KANSL1L: variants seen among roughly 807,000 people sequenced by gnomAD.
KANSL1L encodes the protein KAT8 regulatory NSL complex subunit 1-like protein.
In KANSL1L, 25 loss-of-function variants were observed where a neutral mutation model predicts 108.6. That is an observed-to-expected ratio of 0.23 (90% CI 0.17 to 0.32). The LOEUF is 0.32. Ranked by LOEUF, KANSL1L falls within the 10% of genes least tolerant of loss-of-function variation. The probability of loss-of-function intolerance (pLI) is 1.00; values close to 1 mark genes in which losing one functional copy is unlikely to be tolerated. For missense variants in KANSL1L, 1,137 were observed against 1,125.7 expected (o/e 1.01, Z -0.14); for synonymous variants, 405 against 395.1 (o/e 1.03, Z -0.30).
chr2:210,065,214 C>G (rs1232538332), intron 6 of KANSL1L, among the ~76,000 whole-genome samples: 1 of 144,982 alleles, frequency 6.9e-6, no homozygotes, highest in South Asian at 2.2e-4. Flanking sequence ...ATCACTTGAC[C>G]TCGGAGGCGG....
intron 1 of KANSL1L, among the ~76,000 whole-genome samples, chr2:210,155,472 TA>T (rs1465105425): frequency 6.6e-6 from 1 of 152,114 alleles, no homozygotes; most frequent in East Asian, 1.9e-4. Context: ...TCACAGCTGT[TA>T]AAAATATGTG....
In KANSL1L at chr2:210,134,549, A is replaced by T. The variant is rs572729101; in HGVS notation, c.1089-5377T>A. 7.9e-5 allele frequency among the ~76,000 whole-genome samples: 12 copies of T among 152,224 alleles called. No individual in the cohort carries two copies. In the East Asian group the frequency reaches 2.1e-3, roughly 27 times the overall value. ...GTGATGAATTCTGTTCTGACAGGTT[A>T]TTATATTACTTGCTGTTCAACTTCA... On this transcript the variant is annotated intron_variant, in intron 2 of 14. Transcript: ENST00000281772.
chr2:210,057,373 A>G (rs566803553), intron 6 of KANSL1L, among the ~76,000 whole-genome samples: 121 of 152,264 alleles, frequency 7.9e-4, no homozygotes, highest in South Asian at 6.8e-3. Context: ...ACTGCACTCC[A>G]GCCTGGGAGA....
chr2:210,060,023 G>T (rs548026655), intron 6 of KANSL1L, among the ~76,000 whole-genome samples: 2 of 152,134 alleles, frequency 1.3e-5, no homozygotes, highest in African/African-American at 4.8e-5. Flanking sequence ...GATTACAGGC[G>T]TGAGCTATCA....
chr2:210,112,753 A>G (rs1052080746), intron 3 of KANSL1L, among the ~76,000 whole-genome samples: 9 of 152,180 alleles, frequency 5.9e-5, no homozygotes, highest in Admixed American at 5.9e-4. Context: ...TATCGTTTCT[A>G]TGTGTTGGAA....
intron 6 of KANSL1L, among the ~76,000 whole-genome samples, chr2:210,048,379 G>A (rs909751217): frequency 1.3e-5 from 2 of 151,602 alleles, no homozygotes; most frequent in African/African-American, 4.8e-5. Flanking sequence ...GCTGTCTTTT[G>A]TGTAATTTTA....
At chr2:210,112,711 G>C (rs1484282926) in intron 3 of KANSL1L, among the ~76,000 whole-genome samples, 2 of 152,148 alleles carry the variant, frequency 1.3e-5, no homozygotes, top group East Asian at 3.9e-4. Context: ...GATCAGATCA[G>C]GGTAATTAGC....
In KANSL1L at chr2:210,142,749, T is replaced by C. The variant is rs1351758534; in HGVS notation, c.1088+10746A>G. 3.9e-5 allele frequency among the ~76,000 whole-genome samples: 6 copies of C among 152,240 alleles called. No homozygotes were observed. The East Asian group carries it at 1.2e-3, about 29-fold the overall frequency. On this transcript the variant is annotated intron_variant, in intron 2 of 14. Coordinates refer to ENST00000281772, the MANE Select transcript of KANSL1L (RefSeq NM_152519.4). ...ATTGGCTTTTCTTGATTTCCACATA[T>C]TTGTGAATTTTCCAAAATTCCTCCT...
intron 6 of KANSL1L, among the ~76,000 whole-genome samples, chr2:210,075,276 A>G (rs1276147614): frequency 6.6e-6 from 1 of 151,998 alleles, no homozygotes; most frequent in Non-Finnish European, 1.5e-5. Context: ...TTGACATTTC[A>G]TTTTCTCTCA....
At chr2:210,050,587 G>T (rs2094280174) in intron 6 of KANSL1L, among the ~76,000 whole-genome samples, 12 of 151,180 alleles carry the variant, frequency 7.9e-5, no homozygotes, top group Admixed American at 5.3e-4. Context: ...CAGGTGCGTG[G>T]TTCACACCTA....
chr2:210,083,542 C>A (rs576230524), intron 5 of KANSL1L, among the ~76,000 whole-genome samples: 2 of 152,178 alleles, frequency 1.3e-5, no homozygotes, highest in East Asian at 3.9e-4. Context: ...CTGGGAGATA[C>A]GAATGCATCA....
chr2:210,038,301 A>T lies in KANSL1L; in HGVS notation c.2029+2119T>A, dbSNP rs529566537. 1.2e-4 allele frequency among the ~76,000 whole-genome samples: 19 copies of T among 152,128 alleles called. No individual in the cohort carries two copies. The East Asian group carries it at 3.1e-3, about 25-fold the overall frequency. ...AAACATTTATTGGGAATAGGTACAA[A>T]ATAAACAAGGGAGTTTTTAAGCCAC... On this transcript the variant is annotated intron_variant, in intron 8 of 14. Transcript: ENST00000281772.
At position 210,099,163 on chromosome 2, in the gene KANSL1L, G is replaced by A. The variant is rs561277567; in HGVS notation, c.1429-956C>T. On this transcript the variant is annotated intron_variant, in intron 4 of 14. Coordinates refer to ENST00000281772, the MANE Select transcript of KANSL1L (RefSeq NM_152519.4). ...GAGTTTTCTGAGTATATGTAAGCAT[G>A]AGTGTACATTCAACATGAACACATA... Among the ~76,000 whole-genome samples, 8 of 152,180 alleles carry A rather than the reference G, an allele frequency of 5.3e-5. No individual in the cohort carries two copies. The South Asian group carries it at 1.7e-3, about 32-fold the overall frequency.
intron 6 of KANSL1L, among the ~76,000 whole-genome samples, chr2:210,068,004 A>G (rs916519437): frequency 6.6e-6 from 1 of 151,924 alleles, no homozygotes; most frequent in African/African-American, 2.4e-5. Context: ...CAGCCTCCCA[A>G]GTAGCTGGGA....
rs1326882072 is a variant in KANSL1L at position 210,148,223 on chromosome 2, T to C, written c.1088+5272A>G. 2.0e-5 allele frequency among the ~76,000 whole-genome samples: 3 copies of C among 152,198 alleles called. No individual in the cohort carries two copies. The East Asian group carries it at 5.8e-4, about 29-fold the overall frequency. Reference sequence around the variant, plus strand: ...CCTGGAATAAGACAAGCAGCATTATTTCTTCCTTTTCCACAACCCTTGGAG... The same window carrying C: ...CCTGGAATAAGACAAGCAGCATTATCTCTTCCTTTTCCACAACCCTTGGAG... On this transcript the variant is annotated intron_variant, in intron 2 of 14. Coordinates refer to ENST00000281772, the MANE Select transcript of KANSL1L (RefSeq NM_152519.4).
chr2:210,077,311 C>T (rs554272809), intron 5 of KANSL1L, among the ~76,000 whole-genome samples: 28 of 152,044 alleles, frequency 1.8e-4, no homozygotes, highest in African/African-American at 6.3e-4. Context: ...CTTTAAGTCT[C>T]GGTAAATAAA....
intron 6 of KANSL1L, among the ~76,000 whole-genome samples, chr2:210,054,430 G>A (rs1443077596): frequency 6.6e-6 from 1 of 152,044 alleles, no homozygotes; most frequent in African/African-American, 2.4e-5. Context: ...AAAGATGTTG[G>A]CAAACAGGCA....
intron 2 of KANSL1L, among the ~76,000 whole-genome samples, chr2:210,130,080 T>C (rs1240618153): frequency 6.6e-6 from 1 of 151,522 alleles, no homozygotes; most frequent in Non-Finnish European, 1.5e-5. Context: ...AAAAAACTTA[T>C]CTAAAAATTC....
chr2:210,101,924 C>T (rs2094797412), intron 4 of KANSL1L, among the ~76,000 whole-genome samples: 1 of 152,132 alleles, frequency 6.6e-6, no homozygotes, highest in South Asian at 2.1e-4. Flanking sequence ...TATAATTTCC[C>T]AGAGGAACAA....
Sources: allele counts gnomAD v4.1 joint callset (sites outside exome capture counted in the v4.1 genomes callset), GRCh38; gene constraint gnomAD v4.1.1; transcripts MANE v1.5; gene names NCBI Gene and HGNC (gene_info 2026-07-23, HGNC 2026-07-21).